Variants in ZBTB20 observed in about 807,000 individuals in gnomAD.
The protein encoded by ZBTB20 is zinc finger and BTB domain containing 20, also known as zinc finger and BTB domain-containing protein 20.
In ZBTB20, 9 loss-of-function variants were observed where a neutral mutation model predicts 56.9. The observed-to-expected ratio is 0.16, with a 90% CI of 0.10 to 0.28. ZBTB20 has a LOEUF of 0.28. Among genes scored for constraint, ZBTB20 ranks in the 10% least tolerant of loss-of-function variants. ZBTB20 has a pLI of 1.00. For synonymous variants in ZBTB20, 417 were observed against 420.7 expected (o/e 0.99, Z 0.11); for missense variants, 655 against 1,003.0 (o/e 0.65, Z 4.69).
At chr3:114,731,614 G>T (rs905740003) in intron 5 of ZBTB20, among the ~76,000 whole-genome samples, 2 of 152,090 alleles carry the variant, frequency 1.3e-5, no homozygotes, top group African/African-American at 4.8e-5. Context: ...CCATTTGTTT[G>T]TACCTAATAG....
At chr3:114,474,250 G>A (rs1041047750) in intron 7 of ZBTB20, among the ~76,000 whole-genome samples, 1 of 152,194 alleles carries the variant, frequency 6.6e-6, no homozygotes, top group Non-Finnish European at 1.5e-5. Flanking sequence ...TATGTTACAA[G>A]TGAAGATAGT....
chr3:115,020,674 T>C (rs2080167665), intron 2 of ZBTB20, among the ~76,000 whole-genome samples: 1 of 151,130 alleles, frequency 6.6e-6, no homozygotes, highest in African/African-American at 2.4e-5. Flanking sequence ...CCCTGCCTCA[T>C]ATGTAAATCT....
At chr3:114,566,732 C>A (rs1409496644) in intron 6 of ZBTB20, among the ~76,000 whole-genome samples, 2 of 152,222 alleles carry the variant, frequency 1.3e-5, no homozygotes, top group African/African-American at 4.8e-5. Context: ...GTTCTTCAAT[C>A]ACACAGTTCC....
chr3:114,447,104 TAAAC>T (rs1163535451), intron 7 of ZBTB20, among the ~76,000 whole-genome samples: 3 of 152,112 alleles, frequency 2.0e-5, no homozygotes, highest in Non-Finnish European at 4.4e-5. Context: ...TAAAAAGAAA[TAAAC>T]AAGTAGCTCT....
chr3:115,108,179 A>G (rs2108620171), intron 1 of ZBTB20, among the ~76,000 whole-genome samples: 1 of 152,338 alleles, frequency 6.6e-6, no homozygotes, highest in South Asian at 2.1e-4. Context: ...CAACTATCAG[A>G]ATTTCAATAA....
At chr3:115,103,346 A>C (rs2083636028) in intron 1 of ZBTB20, among the ~76,000 whole-genome samples, 1 of 152,214 alleles carries the variant, frequency 6.6e-6, no homozygotes, top group Non-Finnish European at 1.5e-5. Context: ...TATGAACTAA[A>C]TGATTCTAAA....
At chr3:114,822,159 T>C (rs1197239103) in intron 4 of ZBTB20, among the ~76,000 whole-genome samples, 1 of 152,106 alleles carries the variant, frequency 6.6e-6, no homozygotes, top group East Asian at 1.9e-4. Flanking sequence ...AAATGGGGAA[T>C]AATAGATTTC....
At chr3:114,781,597 T>G (rs1197029438) in intron 5 of ZBTB20, among the ~76,000 whole-genome samples, 2 of 152,216 alleles carry the variant, frequency 1.3e-5, no homozygotes, top group Non-Finnish European at 2.9e-5. Context: ...GGGAGTAATC[T>G]AAAATGCTAC....
At chr3:114,469,161 C>T (rs1486249337) in intron 7 of ZBTB20, among the ~76,000 whole-genome samples, 1 of 151,774 alleles carries the variant, frequency 6.6e-6, no homozygotes, top group Non-Finnish European at 1.5e-5. Context: ...GCTCATAGGC[C>T]ACTGATTTGT....
At chr3:114,947,519 G>A (rs2076923752) in intron 3 of ZBTB20, among the ~76,000 whole-genome samples, 1 of 146,014 alleles carries the variant, frequency 6.8e-6, no homozygotes. Context: ...AAGAATGGAA[G>A]TGGAGGCCAC....
At position 114,785,209 on chromosome 3, in the gene ZBTB20, G is replaced by T. The variant is rs1193224385; in HGVS notation, c.-343+15892C>A. ...GAGTTGACAAACCTTTTCCAAAAAG[G>T]ATAAAATCTTAAATATTTTAGGCTT... On this transcript the variant is annotated intron_variant, in intron 5 of 11. Transcript: ENST00000675478. Among the ~76,000 whole-genome samples, 3 of 152,202 alleles carry T rather than the reference G, an allele frequency of 2.0e-5. No homozygotes were observed. In the South Asian group the frequency reaches 6.2e-4, roughly 32 times the overall value.
At chr3:114,449,895 T>C (rs1195923952) in intron 7 of ZBTB20, among the ~76,000 whole-genome samples, 2 of 152,312 alleles carry the variant, frequency 1.3e-5, no homozygotes, top group African/African-American at 4.8e-5. Context: ...CTTTAAAATC[T>C]GCAAATTTTC....
At chr3:114,649,668 C>G (rs1169532061) in intron 6 of ZBTB20, among the ~76,000 whole-genome samples, 2 of 151,806 alleles carry the variant, frequency 1.3e-5, no homozygotes, top group African/African-American at 4.8e-5. Flanking sequence ...AGAAAAAAAA[C>G]AAATTCTAAT....
At position 114,726,639 on chromosome 3, in the gene ZBTB20, G is replaced by A. The variant is rs143332550; in HGVS notation, c.-342-33064C>T. Among the ~76,000 whole-genome samples, 594 of 152,154 alleles carry A rather than the reference G, an allele frequency of 3.9e-3. 1 individual carries two copies. The highest frequency in any genetic ancestry group is 0.013 in the African/African-American group (557 of 41,530). On this transcript the variant is annotated intron_variant, in intron 5 of 11. Coordinates refer to ENST00000675478, the MANE Select transcript of ZBTB20 (RefSeq NM_001348800.3). ...TAGAAGACAGTGAGATAGGCCGGGC[G>A]CGGTGGCTCATGCCTGTAATCCCAG...
Position 114,338,547 on chromosome 3 carries a change from G to A in ZBTB20, c.*458C>T, listed in dbSNP as rs2079540856. 1 of 152,898 alleles carries A rather than the reference G, an allele frequency of 6.5e-6. No homozygotes were observed. The highest frequency in any genetic ancestry group is 2.1e-4 in the South Asian group (1 of 4,824). The allele number at this position is 152,898 out of a possible 1,614,324, so 9.5% of individuals were successfully genotyped here. ...GGTTACTGTGAAGTCCAAGCGGCCA[G>A]AATTGTGAAAATGTCCACTGAAACA... On this transcript the variant is annotated 3_prime_UTR_variant, in exon 12 of 12. Coordinates refer to ENST00000675478, the MANE Select transcript of ZBTB20 (RefSeq NM_001348800.3).
chr3:115,125,662 T>C (rs903668786), intron 1 of ZBTB20, among the ~76,000 whole-genome samples: 2 of 152,220 alleles, frequency 1.3e-5, no homozygotes, highest in African/African-American at 4.8e-5. Context: ...ATGGTGACTA[T>C]AGTTAATAAC....
intron 6 of ZBTB20, among the ~76,000 whole-genome samples, chr3:114,679,616 T>C (rs949681255): frequency 3.3e-5 from 5 of 152,056 alleles, no homozygotes; most frequent in African/African-American, 1.2e-4. Context: ...ATGGCAATCA[T>C]TAAAAAGTCA....
At chr3:114,545,104 T>C (rs945203016) in intron 6 of ZBTB20, among the ~76,000 whole-genome samples, 56 of 152,190 alleles carry the variant, frequency 3.7e-4, no homozygotes, top group Admixed American at 2.9e-3. Context: ...ATCATCTCTG[T>C]ATATGAAGGA....
chr3:115,113,868 AT>A (rs75819709), intron 1 of ZBTB20, among the ~76,000 whole-genome samples: 5,196 of 152,160 alleles, frequency 0.034, 189 homozygotes, highest in Admixed American at 0.12. Flanking sequence ...GCCACCTTCT[AT>A]TTGCTCAACC....
Sources: allele counts gnomAD v4.1 joint callset (sites outside exome capture counted in the v4.1 genomes callset), GRCh38; gene constraint gnomAD v4.1.1; transcripts MANE v1.5; gene names NCBI Gene and HGNC (gene_info 2026-07-23, HGNC 2026-07-21).